The following RYR2 variants were observed in gnomAD, a reference collection of about 807,000 sequenced individuals.
RYR2 encodes the protein cardiac muscle ryanodine receptor-calcium release channel.
In RYR2, 227 loss-of-function variants were observed where a neutral mutation model predicts 601.1. The ratio of observed to expected loss-of-function variants is 0.38; its 90% CI spans 0.34 to 0.42. The LOEUF (loss-of-function observed/expected upper bound fraction) is 0.42, where lower values mean the gene tolerates loss of function less well. RYR2 is among the 10% of genes least tolerant of loss of function. The pLI is 1.00. For missense variants in RYR2, 4,646 were observed against 6,156.5 expected (o/e 0.75, Z 8.21); for synonymous variants, 2,223 against 2,175.1 (o/e 1.02, Z -0.61).
chr1:237,330,413 A>C (rs1696590121), intron 2 of RYR2, among the ~76,000 whole-genome samples: 1 of 152,176 alleles, frequency 6.6e-6, no homozygotes, highest in Non-Finnish European at 1.5e-5. Flanking sequence ...TTTGAGACGG[A>C]GTCTCGCTCT....
At chr1:237,594,888 T>TTTTTTTGTTTTTG in intron 33 of RYR2, among the ~76,000 whole-genome samples, 2 of 11,842 alleles carry the variant, frequency 1.7e-4, no homozygotes, top group African/African-American at 3.1e-4. Context: ...ATCACTGGGT[T>TTTTTTTGTTTTTG]TTTTTTTTTT....
At chr1:237,149,180 GT>G (rs1241429650) in intron 1 of RYR2, among the ~76,000 whole-genome samples, 3 of 152,144 alleles carry the variant, frequency 2.0e-5, no homozygotes, top group Admixed American at 2.0e-4. Flanking sequence ...TGCATAATTT[GT>G]TTGAAAGGTG....
intron 98 of RYR2, 116 bp downstream of exon 98, chr1:237,802,032 T>A: frequency 1.6e-6 from 1 of 619,708 alleles, no homozygotes; most frequent in Non-Finnish European, 3.0e-6. Flanking sequence ...ATTCATTTCA[T>A]ACAGACCAGA....
intron 62 of RYR2, among the ~76,000 whole-genome samples, chr1:237,684,535 G>A (rs1467839147): frequency 1.3e-5 from 2 of 152,112 alleles, no homozygotes; most frequent in South Asian, 4.2e-4. Flanking sequence ...GGTCCAACTT[G>A]GTGCTGAAAT....
intron 2 of RYR2, among the ~76,000 whole-genome samples, chr1:237,312,266 C>G (rs1468455714): frequency 2.0e-5 from 3 of 152,190 alleles, no homozygotes. Flanking sequence ...ACAAAACTAG[C>G]TCCTTCCGTG....
At position 237,717,194 on chromosome 1, in the gene RYR2, A is replaced by C; in HGVS notation, c.10324-4A>C. 1 of 1,613,072 alleles carries C rather than the reference A, an allele frequency of 6.2e-7. No homozygotes were observed. Among genetic ancestry groups the C allele is most frequent in the Non-Finnish European group, 8.5e-7 (1 of 1,179,350 alleles). On this transcript the variant is annotated splice_polypyrimidine_tract_variant and splice_region_variant and intron_variant, in intron 71 of 104. Coordinates refer to ENST00000366574, the MANE Select transcript of RYR2 (RefSeq NM_001035.3). ...AGATCCCAGCACTTCTCTTTGTTCC[A>C]TAGGCAGCTGTTTCTGATCAGGAAA...
chr1:237,798,139 A>C lies in RYR2; in HGVS notation c.14059A>C (p.Lys4687Gln). 2 of 1,612,414 alleles carry C rather than the reference A, an allele frequency of 1.2e-6. No homozygotes were observed. The highest frequency in any genetic ancestry group is 1.7e-6 in the Non-Finnish European group (2 of 1,179,222). ...CTTCAGTGATGCCAGAGAAAAGAAG[A>C]AGCCAAAGAAAGACAGCTCCTTATC... ...LDFSDAREKKKPKKDSSLSAV... is the reference protein window; with the variant it reads ...LDFSDAREKKQPKKDSSLSAV... Residue 4687 changes from lysine to glutamine, a missense_variant, in exon 97 of 105, where the codon AAG becomes CAG. By Grantham distance (53) the Lys-to-Gln change is moderately conservative. Transcript: ENST00000366574.
chr1:237,503,594 C>A (rs75762041), intron 22 of RYR2, 89 bp downstream of exon 22: 2 of 1,245,626 alleles, frequency 1.6e-6, no homozygotes, highest in Non-Finnish European at 2.3e-6. Flanking sequence ...CCCATAGGAA[C>A]GAATTTCACA....
intron 1 of RYR2, among the ~76,000 whole-genome samples, chr1:237,203,694 T>G (rs373400901): frequency 2.7e-5 from 4 of 150,360 alleles, no homozygotes. Context: ...GTAGTAAAAA[T>G]TTTTTTTTTA....
At chr1:237,760,401 A>G (rs1693328640) in intron 83 of RYR2, among the ~76,000 whole-genome samples, 1 of 151,156 alleles carries the variant, frequency 6.6e-6, no homozygotes, top group Non-Finnish European at 1.5e-5. Flanking sequence ...CCGTGTTTAA[A>G]TAGGGATCTT....
At chr1:237,514,165 C>T (rs1450993845) in intron 24 of RYR2, among the ~76,000 whole-genome samples, 1 of 152,186 alleles carries the variant, frequency 6.6e-6, no homozygotes, top group Non-Finnish European at 1.5e-5. Flanking sequence ...TCATCTTTTA[C>T]AACAGAATGT....
At position 237,115,297 on chromosome 1, in the gene RYR2, C is replaced by T. The variant is rs115364216; in HGVS notation, c.48+72728C>T. Among the ~76,000 whole-genome samples the T allele has an allele frequency of 3.7e-3, 566 of 152,232 alleles. 6 individuals carry two copies. The highest frequency in any genetic ancestry group is 0.013 in the African/African-American group (544 of 41,546). ...GCTCTTGGGGCTGGACCACTCCTTC[C>T]CAGAGACCATCCATTGTACAAGAAG... On this transcript the variant is annotated intron_variant, in intron 1 of 104. Transcript: ENST00000366574.
intron 14 of RYR2, among the ~76,000 whole-genome samples, chr1:237,449,768 T>TC (rs1016602661): frequency 3.9e-5 from 6 of 152,102 alleles, no homozygotes; most frequent in East Asian, 3.9e-4. Flanking sequence ...GTTTTTTTTT[T>TC]CTTTGGGTTG....
At chr1:237,051,872 G>A (rs1661325487) in intron 1 of RYR2, among the ~76,000 whole-genome samples, 2 of 152,128 alleles carry the variant, frequency 1.3e-5, no homozygotes, top group Admixed American at 1.3e-4. Flanking sequence ...TTCTGCTGGA[G>A]ATGGACATAT....
chr1:237,163,178 C>G (rs2148869919), intron 1 of RYR2, among the ~76,000 whole-genome samples: 1 of 152,310 alleles, frequency 6.6e-6, no homozygotes, highest in Non-Finnish European at 1.5e-5. Flanking sequence ...TGGGAATCCA[C>G]CGTGATCTCT....
intron 34 of RYR2, among the ~76,000 whole-genome samples, chr1:237,601,378 A>C (rs1482725117): frequency 6.6e-6 from 1 of 152,160 alleles, no homozygotes; most frequent in Admixed American, 6.5e-5. Context: ...GAATCGAAAA[A>C]AGTTAATGTC....
At chr1:237,240,177 G>A (rs1013597399) in intron 1 of RYR2, among the ~76,000 whole-genome samples, 4 of 152,130 alleles carry the variant, frequency 2.6e-5, no homozygotes, top group Non-Finnish European at 4.4e-5. Flanking sequence ...TGAGGTTGCC[G>A]TCGTCTAAGG....
intron 96 of RYR2, among the ~76,000 whole-genome samples, chr1:237,796,483 T>TTTAA (rs1055107084): frequency 1.3e-5 from 2 of 152,178 alleles, no homozygotes; most frequent in African/African-American, 4.8e-5. Context: ...AACAAATGGT[T>TTTAA]TTAATTAACC....
intron 28 of RYR2, among the ~76,000 whole-genome samples, chr1:237,567,301 G>A (rs991212058): frequency 6.7e-6 from 1 of 150,110 alleles, no homozygotes; most frequent in African/African-American, 2.4e-5. Context: ...ATTTTGATCA[G>A]TAATATGGGC....
Sources: allele counts gnomAD v4.1 joint callset (sites outside exome capture counted in the v4.1 genomes callset), GRCh38; gene constraint gnomAD v4.1.1; transcripts MANE v1.5; gene names NCBI Gene and HGNC (gene_info 2026-07-23, HGNC 2026-07-21).